Variants in XRN1 observed in about 807,000 individuals in gnomAD.
XRN1 encodes the protein strand-exchange protein 1 homolog.
Under a neutral mutation model 222.3 loss-of-function variants are expected in XRN1, and 67 were observed. That is an observed-to-expected ratio of 0.30 (90% CI 0.25 to 0.37). The LOEUF is 0.37. XRN1 is among the 10% of genes least tolerant of loss of function. XRN1 has a pLI of 1.00. For missense variants in XRN1, 1,707 were observed against 2,000.2 expected (o/e 0.85, Z 2.80); for synonymous variants, 643 against 652.4 (o/e 0.99, Z 0.22).
rs182874688 is a variant in XRN1, at chr3:142,355,706, C to T, written c.3673-210G>A. ...GTGGGGTCATAGGTGATTGTAACCT[C>T]GAATTCCTGGGCTCAATCCTCAGCC... is the stretch of plus-strand genomic sequence containing the variant. On this transcript the variant is annotated intron_variant, in intron 31 of 40. Transcript: ENST00000392981. Among the ~76,000 whole-genome samples the T allele has an allele frequency of 2.3e-3, 355 of 151,964 alleles. 1 individual carries two copies. The highest frequency in any genetic ancestry group is 3.7e-3 in the Non-Finnish European group (253 of 67,968).
chr3:142,404,057 T>A (rs2068247254), intron 16 of XRN1, 68 bp from the exon 17 acceptor site: 1 of 1,328,212 alleles, frequency 7.5e-7, no homozygotes, highest in Non-Finnish European at 1.1e-6. Context: ...TTTTTAACTT[T>A]CCCTTGTATA....
chr3:142,406,609 C>T (rs938022485), intron 15 of XRN1, among the ~76,000 whole-genome samples: 13 of 152,196 alleles, frequency 8.5e-5, no homozygotes, highest in African/African-American at 3.1e-4. Context: ...TCACTGCAGC[C>T]TCAACCTCCT....
At chr3:142,340,154 G>A (rs533871299) in intron 33 of XRN1, among the ~76,000 whole-genome samples, 18 of 152,188 alleles carry the variant, frequency 1.2e-4, no homozygotes, top group African/African-American at 3.9e-4. Flanking sequence ...TCGGGAGTTC[G>A]AGACCAGCCT....
Position 142,422,841 on chromosome 3 carries a change from T to C in XRN1, c.792A>G (p.Val264=), listed in dbSNP as rs1461264517. The C allele has an allele frequency of 6.2e-7, 1 of 1,607,440 alleles. No homozygotes were observed. The highest frequency in any genetic ancestry group is 1.3e-5 in the African/African-American group (1 of 74,646). ...MREYIDYEFS[V]LKEKITFKYD... ...TGGCTTTATTAATACTTACTTTTAA[T>C]ACTGAAAACTCATAGTCAATATACT... The change falls in exon 7 of 41, where the codon GTA becomes GTG. Residue 264 remains valine, a synonymous_variant. Coordinates refer to ENST00000392981, the MANE Select transcript of XRN1 (RefSeq NM_001282857.2).
chr3:142,431,466 A>C (rs2069520438), intron 2 of XRN1, among the ~76,000 whole-genome samples: 1 of 152,064 alleles, frequency 6.6e-6, no homozygotes, highest in Non-Finnish European at 1.5e-5. Context: ...AGATCACTTG[A>C]GGTCAGGAGT....
At chr3:142,438,076 AC>A (rs1191194531) in intron 1 of XRN1, among the ~76,000 whole-genome samples, 1 of 152,220 alleles carries the variant, frequency 6.6e-6, no homozygotes, top group Non-Finnish European at 1.5e-5. Flanking sequence ...AGAAAAGGGA[AC>A]CCTCATACAC....
chr3:142,322,303 T>C (rs747595459), intron 37 of XRN1, among the ~76,000 whole-genome samples: 2 of 152,168 alleles, frequency 1.3e-5, no homozygotes, highest in Non-Finnish European at 2.9e-5. Context: ...TGTAGCCAAC[T>C]ACCAGGTTTA....
chr3:142,433,754 TAAAGTA>T (rs2069733397), intron 1 of XRN1, among the ~76,000 whole-genome samples: 1 of 152,252 alleles, frequency 6.6e-6, no homozygotes, highest in Admixed American at 6.5e-5. Context: ...ACATATTCAT[TAAAGTA>T]AATTACTTTG....
At chr3:142,392,564 A>G (rs936992412) in intron 20 of XRN1, among the ~76,000 whole-genome samples, 3 of 151,858 alleles carry the variant, frequency 2.0e-5, no homozygotes, top group African/African-American at 7.3e-5. Flanking sequence ...TATGAGTGAG[A>G]ATATGCGGTG....
intron 15 of XRN1, among the ~76,000 whole-genome samples, chr3:142,405,849 G>GT (rs1559855715): frequency 6.6e-6 from 1 of 151,812 alleles, no homozygotes; most frequent in African/African-American, 2.4e-5. Flanking sequence ...AATAACAAAT[G>GT]TATCAGAAGA....
At position 142,418,871 on chromosome 3, in the gene XRN1, T is replaced by G. The variant is rs745505961; in HGVS notation, c.1184A>C (p.Asn395Thr). ...KEKKKLKGQENSLCWTALDKN... is the reference protein window; with the variant it reads ...KEKKKLKGQETSLCWTALDKN... ...GTCTAAAGCAGTCCAACACAGAGAATTTTCCTGGCCCTGTAAATTGTAAAT... is the reference window on the plus strand; with the variant it reads ...GTCTAAAGCAGTCCAACACAGAGAAGTTTCCTGGCCCTGTAAATTGTAAAT... The change falls in exon 11 of 41, where the codon AAT (asparagine) becomes ACT (threonine). Residue 395 changes from asparagine (N) to threonine (T), a missense_variant. Asn to Thr is a moderately conservative substitution (Grantham distance 65). Around this residue, in one of 2 missense-constraint regions of XRN1, gnomAD observed 1,234 missense variants for 1,518.2 expected, o/e 0.81. Coordinates refer to ENST00000392981, the MANE Select transcript of XRN1 (RefSeq NM_001282857.2). 2.5e-6 allele frequency: 4 copies of G among 1,613,964 alleles called. No individual in the cohort carries two copies. The highest frequency in any genetic ancestry group is 3.4e-6 in the Non-Finnish European group (4 of 1,179,884).
At chr3:142,431,902 T>TTG (rs1553744705) in intron 2 of XRN1, among the ~76,000 whole-genome samples, 8,526 of 42,402 alleles carry the variant, frequency 0.2, 1,046 homozygotes, top group African/African-American at 0.33. Flanking sequence ...AATATATATA[T>TTG]TATATATATA....
intron 18 of XRN1, among the ~76,000 whole-genome samples, chr3:142,402,768 G>A (rs1442306288): frequency 6.6e-6 from 1 of 151,744 alleles, no homozygotes; most frequent in East Asian, 1.9e-4. Context: ...CAACTCCCCT[G>A]TTTTAACTTT....
At chr3:142,322,511 C>A (rs192358056) in intron 37 of XRN1, among the ~76,000 whole-genome samples, 221 of 151,766 alleles carry the variant, frequency 1.5e-3, no homozygotes, top group African/African-American at 4.5e-3. Context: ...ACATGGTGAA[C>A]CCTGTCTCTA....
intron 20 of XRN1, among the ~76,000 whole-genome samples, chr3:142,393,810 A>C (rs1232858297): frequency 6.6e-6 from 1 of 151,916 alleles, no homozygotes; most frequent in Non-Finnish European, 1.5e-5. Flanking sequence ...CCAAACCACT[A>C]AACTTTCTAT....
intron 33 of XRN1, among the ~76,000 whole-genome samples, chr3:142,344,742 G>A (rs2066092365): frequency 6.6e-6 from 1 of 152,066 alleles, no homozygotes; most frequent in Admixed American, 6.6e-5. Context: ...ATCATGGAAA[G>A]AAATTAAAGA....
chr3:142,356,291 T>C (rs887985950), intron 31 of XRN1, among the ~76,000 whole-genome samples: 1 of 152,112 alleles, frequency 6.6e-6, no homozygotes, highest in African/African-American at 2.4e-5. Context: ...ACCTATGAGA[T>C]TTTAGAGGAC....
At chr3:142,376,375 T>A (rs1245025431) in intron 24 of XRN1, 104 bp downstream of exon 24, 13 of 943,954 alleles carry the variant, frequency 1.4e-5, no homozygotes, top group Non-Finnish European at 2.1e-5. Context: ...TTTAAGACAA[T>A]CCAGAGCAAT....
chr3:142,398,501 G>A (rs2108008761), intron 19 of XRN1, among the ~76,000 whole-genome samples: 2 of 151,808 alleles, frequency 1.3e-5, no homozygotes, highest in South Asian at 4.2e-4. Flanking sequence ...TGAGAAGCTA[G>A]GACTACAGGT....
Sources: allele counts gnomAD v4.1 joint callset (sites outside exome capture counted in the v4.1 genomes callset), GRCh38; gene constraint gnomAD v4.1.1; regional missense constraint gnomAD v4.1.1; transcripts MANE v1.5; gene names NCBI Gene and HGNC (gene_info 2026-07-23, HGNC 2026-07-21).